Variants in TSNAX observed in about 807,000 individuals in gnomAD.
TSNAX encodes translin associated factor X.
Under a neutral mutation model 33.0 loss-of-function variants are expected in TSNAX, and 12 were observed. That is an observed-to-expected ratio of 0.36 (90% CI 0.23 to 0.59). The LOEUF (loss-of-function observed/expected upper bound fraction) is 0.59, where lower values mean the gene tolerates loss of function less well. Among genes scored for constraint, TSNAX ranks in the 20% least tolerant of loss-of-function variants. The probability of loss-of-function intolerance (pLI) is 0.74; values close to 1 mark genes in which losing one functional copy is unlikely to be tolerated. For synonymous variants in TSNAX, 110 were observed against 117.2 expected, an observed-to-expected ratio of 0.94 and a Z score of 0.40; for missense variants, 267 against 341.3, an observed-to-expected ratio of 0.78 and a Z score of 1.72.
intron 4 of TSNAX, among the ~76,000 whole-genome samples, chr1:231,545,915 C>G (rs1659879537): frequency 6.6e-6 from 1 of 152,138 alleles, no homozygotes; most frequent in South Asian, 2.1e-4. Flanking sequence ...GGGTCATAAG[C>G]TAGCACGTGG....
chr1:231,557,966 TAA>T (rs1660797451), intron 4 of TSNAX, among the ~76,000 whole-genome samples: 1 of 152,026 alleles, frequency 6.6e-6, no homozygotes, highest in Non-Finnish European at 1.5e-5. Context: ...AAGAGAACTC[TAA>T]AGAGTACTGG....
chr1:231,564,024 T>C (rs1242711965), intron 5 of TSNAX, among the ~76,000 whole-genome samples: 2 of 151,992 alleles, frequency 1.3e-5, no homozygotes, highest in African/African-American at 4.8e-5. Context: ...CAGTAGAAAA[T>C]ATAGCAGTCT....
At chr1:231,541,139 C>T (rs1399131172) in intron 3 of TSNAX, among the ~76,000 whole-genome samples, 2 of 152,118 alleles carry the variant, frequency 1.3e-5, no homozygotes, top group African/African-American at 2.4e-5. Context: ...TTCTTCTCTC[C>T]TTCCTGCCTT....
chr1:231,528,761 T>C lies in TSNAX; in HGVS notation c.-50T>C. 1.2e-6 allele frequency: 2 copies of C among 1,613,482 alleles called. No individual in the cohort carries two copies. Among genetic ancestry groups the C allele is most frequent in the Non-Finnish European group, 1.7e-6 (2 of 1,179,652 alleles). ...TCGGCCTGTACCTCGCGCACTCCTC[T>C]TGCTCCAGGTCCTTCAGTCTCCGCT... On this transcript the variant is annotated 5_prime_UTR_variant, in exon 1 of 6. Transcript: ENST00000366639.
At chr1:231,542,289 T>C (rs1483694235) in intron 3 of TSNAX, among the ~76,000 whole-genome samples, 192 bp from the exon 4 acceptor site, 4 of 152,246 alleles carry the variant, frequency 2.6e-5, no homozygotes, top group African/African-American at 9.6e-5. Context: ...ACAATTTTTG[T>C]ATACTTTTTT....
rs141034959 is a variant in TSNAX, at chr1:231,543,670, A to G, written c.367+1059A>G. Among the ~76,000 whole-genome samples, 921 of 152,252 alleles carry G rather than the reference A, an allele frequency of 6.0e-3. 9 individuals are homozygous for G. The highest frequency in any genetic ancestry group is 0.021 in the African/African-American group (875 of 41,530). On this transcript the variant is annotated intron_variant, in intron 4 of 5. Coordinates refer to ENST00000366639, the MANE Select transcript of TSNAX (RefSeq NM_005999.3). Reference sequence around the variant, plus strand: ...TAATTTCAGCACTTGTTTTTTCAGAAATGTTGATATGTCTTCTAATATGGG... The same window carrying G: ...TAATTTCAGCACTTGTTTTTTCAGAGATGTTGATATGTCTTCTAATATGGG...
Position 231,563,165 on chromosome 1 carries a change from A to G in TSNAX, c.496-1363A>G, listed in dbSNP as rs142868065. Among the ~76,000 whole-genome samples the G allele has an allele frequency of 2.6e-3, 399 of 152,332 alleles. 1 individual carries two copies. The highest frequency in any genetic ancestry group is 9.1e-3 in the African/African-American group (378 of 41,574). On this transcript the variant is annotated intron_variant, in intron 5 of 5. Transcript: ENST00000366639. ...ATCTCATTAGTTCCTCAAATGCACAATTCTTACCTGTATGCCTTTGTAGTT... is the reference window on the plus strand; with the variant it reads ...ATCTCATTAGTTCCTCAAATGCACAGTTCTTACCTGTATGCCTTTGTAGTT...
chr1:231,536,955 C>T (rs1287624984), intron 2 of TSNAX: 1 of 218,740 alleles, frequency 4.6e-6, no homozygotes, highest in African/African-American at 2.3e-5. Flanking sequence ...GCCTCAGCCT[C>T]CCGAGTAGCT....
rs1572111249 is a variant in TSNAX, at chr1:231,540,157, G to A, written c.237-2324G>A. 3.8e-5 allele frequency among the ~76,000 whole-genome samples: 4 copies of A among 105,152 alleles called. No individual in the cohort carries two copies. The South Asian group carries it at 9.7e-4, about 26-fold the overall frequency. 69.0% of individuals were successfully genotyped at this position (105,152 alleles called of 152,430 possible). ...CCACTGCAATCCAGCCTGGGTGACA[G>A]AATAGGACTCTGTCTCAAAAAAAAA... On this transcript the variant is annotated intron_variant, in intron 3 of 5. Transcript: ENST00000366639.
At chr1:231,543,640 G>A (rs1375183303) in intron 4 of TSNAX, among the ~76,000 whole-genome samples, 3 of 152,042 alleles carry the variant, frequency 2.0e-5, no homozygotes, top group African/African-American at 7.2e-5. Context: ...TAGCCTAAAC[G>A]TTTATAATTT....
intron 5 of TSNAX, 114 bp downstream of exon 5, chr1:231,561,369 T>C: frequency 1.1e-6 from 1 of 905,412 alleles, no homozygotes; most frequent in Non-Finnish European, 1.6e-6. Context: ...CTTTCTAAAG[T>C]ATGGTTTTGT....
intron 2 of TSNAX, chr1:231,536,493 C>T (rs1461364875): frequency 1.3e-5 from 2 of 152,192 alleles, no homozygotes; most frequent in African/African-American, 4.8e-5. Context: ...TTAATATACA[C>T]GTGCTACCTT....
chr1:231,531,123 T>G (rs549833363), intron 2 of TSNAX, among the ~76,000 whole-genome samples: 1 of 152,106 alleles, frequency 6.6e-6, no homozygotes, highest in South Asian at 2.1e-4. Flanking sequence ...CATGCCTAAT[T>G]TTTTTAAATT....
intron 4 of TSNAX, among the ~76,000 whole-genome samples, chr1:231,545,125 C>T (rs903909445): frequency 2.6e-5 from 4 of 151,884 alleles, no homozygotes; most frequent in African/African-American, 7.3e-5. Flanking sequence ...TGTCTAGGAC[C>T]GAAAATTTTG....
At chr1:231,561,738 G>A (rs529412603) in intron 5 of TSNAX, among the ~76,000 whole-genome samples, 1 of 152,240 alleles carries the variant, frequency 6.6e-6, no homozygotes, top group East Asian at 1.9e-4. Context: ...CTCTGCCAGC[G>A]CTTCTCACAG....
At chr1:231,539,042 A>T (rs1188477452) in intron 3 of TSNAX, among the ~76,000 whole-genome samples, 2 of 152,196 alleles carry the variant, frequency 1.3e-5, no homozygotes, top group Non-Finnish European at 2.9e-5. Context: ...AATTTGCCAT[A>T]CATAGATTTA....
At chr1:231,530,710 C>CAA (rs59803472) in intron 2 of TSNAX, among the ~76,000 whole-genome samples, 19 of 73,196 alleles carry the variant, frequency 2.6e-4, no homozygotes, top group African/African-American at 5.4e-4. Context: ...GGCTCCGTCT[C>CAA]AAAAAAAAAA....
chr1:231,537,141 AC>A, intron 2 of TSNAX, 71 bp from the exon 3 acceptor site: 1 of 1,212,250 alleles, frequency 8.2e-7, no homozygotes, highest in Non-Finnish European at 1.2e-6. Context: ...TATGTGACGT[AC>A]ATCTTAAAAA....
chr1:231,530,924 GTCC>G (rs1658660040), intron 2 of TSNAX, among the ~76,000 whole-genome samples: 2 of 150,928 alleles, frequency 1.3e-5, no homozygotes, highest in African/African-American at 4.9e-5. Context: ...CTAAGGTGGT[GTCC>G]TCATTACCCG....
Sources: gnomAD v4.1 joint callset for allele counts (sites outside exome capture counted in the v4.1 genomes callset) on GRCh38, gnomAD v4.1.1 for gene constraint, MANE v1.5 for transcripts, NCBI Gene and HGNC (gene_info 2026-07-23, HGNC 2026-07-21) for gene names.